Variants in MTUS2 observed in about 807,000 individuals in gnomAD.
MTUS2 encodes microtubule associated scaffold protein 2.
Under a neutral mutation model 114.1 loss-of-function variants are expected in MTUS2, and 40 were observed. The observed-to-expected ratio is 0.35, with a 90% CI of 0.27 to 0.46. MTUS2 has a LOEUF of 0.46. Among genes scored for constraint, MTUS2 ranks in the 20% least tolerant of loss-of-function variants. The pLI, the probability that MTUS2 is intolerant of heterozygous loss-of-function variation, is 1.00. For synonymous variants in MTUS2, 688 were observed against 672.0 expected (o/e 1.02, Z -0.37); for missense variants, 1,679 against 1,705.4 (o/e 0.98, Z 0.27).
intron 5 of MTUS2, among the ~76,000 whole-genome samples, chr13:29,218,881 T>A (rs1895787811): frequency 6.6e-6 from 1 of 152,166 alleles, no homozygotes; most frequent in African/African-American, 2.4e-5. Flanking sequence ...CATAATTGTT[T>A]AAGGCCCTAG....
At chr13:29,478,655 T>C (rs1331163281) in intron 9 of MTUS2, among the ~76,000 whole-genome samples, 2 of 152,130 alleles carry the variant, frequency 1.3e-5, no homozygotes, top group Non-Finnish European at 2.9e-5. Flanking sequence ...TTTTCGCTTG[T>C]AAATTCTCTA....
chr13:29,399,959 CA>C, intron 8 of MTUS2, among the ~76,000 whole-genome samples: 1 of 152,166 alleles, frequency 6.6e-6, no homozygotes, highest in East Asian at 1.9e-4. Flanking sequence ...ACATGAAAGA[CA>C]AAAAGAAGGC....
At chr13:29,233,908 C>T (rs964108747) in intron 5 of MTUS2, among the ~76,000 whole-genome samples, 1 of 152,134 alleles carries the variant, frequency 6.6e-6, no homozygotes, top group Admixed American at 6.6e-5. Context: ...CACTGCCATA[C>T]CTCACATGGC....
intron 9 of MTUS2, among the ~76,000 whole-genome samples, chr13:29,469,056 A>AAATACTG (rs1880083495): frequency 1.3e-5 from 2 of 152,194 alleles, no homozygotes; most frequent in Non-Finnish European, 2.9e-5. Flanking sequence ...GCTAGGACAG[A>AAATACTG]AAGGGGCTGA....
intron 2 of MTUS2, among the ~76,000 whole-genome samples, chr13:28,963,128 G>A (rs1025867014): frequency 1.1e-4 from 16 of 152,140 alleles, no homozygotes; most frequent in African/African-American, 3.9e-4. Flanking sequence ...GAGACAGACG[G>A]ATCACGAGGT....
At chr13:28,998,298 T>A (rs1885213811) in intron 2 of MTUS2, among the ~76,000 whole-genome samples, 1 of 152,192 alleles carries the variant, frequency 6.6e-6, no homozygotes, top group Non-Finnish European at 1.5e-5. Context: ...GGGTAACCCG[T>A]CTTTTCTCTC....
chr13:28,980,624 T>C (rs918094554), intron 2 of MTUS2, among the ~76,000 whole-genome samples: 1 of 152,240 alleles, frequency 6.6e-6, no homozygotes, highest in Non-Finnish European at 1.5e-5. Context: ...TTGGATTGTT[T>C]CCAATGTTTT....
intron 5 of MTUS2, among the ~76,000 whole-genome samples, chr13:29,116,994 A>G (rs1891116649): frequency 6.6e-6 from 1 of 152,232 alleles, no homozygotes; most frequent in African/African-American, 2.4e-5. Flanking sequence ...CTGCAAGTAT[A>G]GTGTTTCTTC....
chr13:28,936,112 T>G (rs7322751), intron 2 of MTUS2, among the ~76,000 whole-genome samples: 73 of 152,250 alleles, frequency 4.8e-4, no homozygotes, highest in African/African-American at 1.6e-3. Context: ...ATTGAAATCA[T>G]GCCTCACCAT....
At chr13:29,355,534 A>AC (rs1869664389) in intron 7 of MTUS2, among the ~76,000 whole-genome samples, 1 of 152,214 alleles carries the variant, frequency 6.6e-6, no homozygotes, top group South Asian at 2.1e-4. Flanking sequence ...TGGTCAGAAG[A>AC]CCAACAGCCA....
intron 5 of MTUS2, among the ~76,000 whole-genome samples, chr13:29,186,512 G>A (rs1046863328): frequency 1.3e-5 from 2 of 152,120 alleles, no homozygotes; most frequent in Non-Finnish European, 2.9e-5. Context: ...TAGACTTTAA[G>A]GCAACAATTA....
chr13:29,499,071 C>G (rs1391611071), intron 14 of MTUS2, among the ~76,000 whole-genome samples: 2 of 152,220 alleles, frequency 1.3e-5, no homozygotes, highest in East Asian at 3.8e-4. Flanking sequence ...CAGGGGCTCA[C>G]CCTCAGGACC....
chr13:29,218,306 C>T (rs1403526059), intron 5 of MTUS2, among the ~76,000 whole-genome samples: 10 of 152,202 alleles, frequency 6.6e-5, no homozygotes, highest in Admixed American at 3.9e-4. Context: ...CCTTCAGCCT[C>T]GCCTTCTAAT....
intron 5 of MTUS2, among the ~76,000 whole-genome samples, chr13:29,246,376 G>A (rs575997728): frequency 2.0e-5 from 3 of 152,332 alleles, no homozygotes; most frequent in South Asian, 2.1e-4. Flanking sequence ...GTCCCCAGAA[G>A]CAGAAGAGGC....
At chr13:28,919,492 AT>A (rs1208226215) in intron 2 of MTUS2, among the ~76,000 whole-genome samples, 1 of 151,118 alleles carries the variant, frequency 6.6e-6, no homozygotes, top group Non-Finnish European at 1.5e-5. Flanking sequence ...TGCTTTTAGG[AT>A]TTTTTTCTTT....
intron 2 of MTUS2, among the ~76,000 whole-genome samples, chr13:28,842,059 T>TA (rs2137991398): frequency 6.6e-6 from 1 of 152,306 alleles, no homozygotes; most frequent in South Asian, 2.1e-4. Flanking sequence ...GAGGATTTGA[T>TA]ACTCTGAATA....
chr13:29,177,883 G>A (rs1225370112), intron 5 of MTUS2, among the ~76,000 whole-genome samples: 1 of 152,104 alleles, frequency 6.6e-6, no homozygotes, highest in Non-Finnish European at 1.5e-5. Context: ...ACCCACCACT[G>A]TTATCTCCCA....
chr13:29,378,289 AT>A (rs1291808888), intron 8 of MTUS2, among the ~76,000 whole-genome samples: 3 of 111,258 alleles, frequency 2.7e-5, no homozygotes, highest in Non-Finnish European at 6.5e-5. Context: ...TTTATAATAA[AT>A]TAAAAAAAGA....
At chr13:29,338,174 T>C (rs12873884) in intron 7 of MTUS2, among the ~76,000 whole-genome samples, 29,705 of 152,118 alleles carry the variant, frequency 0.2, 3,004 homozygotes, top group Non-Finnish European at 0.23. Flanking sequence ...TTTTCCCCGA[T>C]AGTCTAGGGC....
Sources: gnomAD v4.1 joint callset for allele counts (sites outside exome capture counted in the v4.1 genomes callset) on GRCh38, gnomAD v4.1.1 for gene constraint, MANE v1.5 for transcripts, NCBI Gene and HGNC (gene_info 2026-07-23, HGNC 2026-07-21) for gene names.